Variants in ANK3 observed in about 807,000 individuals in gnomAD.
ANK3 encodes the protein ankyrin-3.
Under a neutral mutation model 370.9 loss-of-function variants are expected in ANK3, and 57 were observed. That is an observed-to-expected ratio of 0.15 (90% confidence interval 0.12 to 0.19). The LOEUF is 0.19. Ranked by LOEUF, ANK3 falls within the 10% of genes least tolerant of loss-of-function variation. The probability of loss-of-function intolerance (pLI) is 1.00; values close to 1 mark genes in which losing one functional copy is unlikely to be tolerated. For missense variants in ANK3, 4,439 were observed against 5,302.1 expected, an observed-to-expected ratio of 0.84 and a Z score of 5.06; for synonymous variants, 1,929 against 1,946.3, an observed-to-expected ratio of 0.99 and a Z score of 0.23.
At chr10:60,243,705 T>C (rs1258561862) in intron 7 of ANK3, among the ~76,000 whole-genome samples, 7 of 152,212 alleles carry the variant, frequency 4.6e-5, no homozygotes. Flanking sequence ...ATTATTTGTA[T>C]TACTTATTAT....
At chr10:60,714,070 T>C (rs1589066198) in intron 1 of ANK3, among the ~76,000 whole-genome samples, 1 of 152,072 alleles carries the variant, frequency 6.6e-6, no homozygotes, top group African/African-American at 2.4e-5. Context: ...CCATTATTGA[T>C]CTCATAAACA....
intron 23 of ANK3, among the ~76,000 whole-genome samples, chr10:60,157,884 A>AAAAGAGAGAG (rs1477921820): frequency 3.4e-5 from 3 of 88,218 alleles, no homozygotes; most frequent in African/African-American, 1.2e-4. Context: ...GAGAGAGAGA[A>AAAAGAGAGAG]AAAGAGAGAG....
At chr10:60,500,108 C>T (rs977023022) in intron 2 of ANK3, among the ~76,000 whole-genome samples, 2 of 152,158 alleles carry the variant, frequency 1.3e-5, no homozygotes, top group African/African-American at 2.4e-5. Context: ...GCAGAAAATG[C>T]TACCACCTTG....
rs142360935 is a variant in ANK3, at chr10:60,397,314, G to A, written c.97-117675C>T. 5.2e-3 allele frequency among the ~76,000 whole-genome samples: 792 copies of A among 151,982 alleles called. 6 individuals carry two copies. The highest frequency in any genetic ancestry group is 0.014 in the Middle Eastern group (4 of 294). On this transcript the variant is annotated intron_variant, in intron 2 of 43. Coordinates refer to the ANK3 transcript ENST00000373827. ...GCATATTGTGGAACATATCCACCAT[G>A]CAGAAATTTAAGTCTAACAAAAAGA...
Position 60,064,252 on chromosome 10 carries a change from A to G in ANK3, c.12356T>C (p.Ile4119Thr), listed in dbSNP as rs768220615. Residue 4119 changes from isoleucine (I) to threonine (T), a missense_variant, in exon 39 of 44, where the codon ATC (isoleucine) becomes ACC (threonine). Physicochemically the swap from Ile to Thr is moderately conservative, Grantham distance 89. Coordinates refer to ENST00000280772, the MANE Select transcript of ANK3 (RefSeq NM_020987.5). ...TGGATTTTCCACACGTATTTGATTG[A>G]TTTCATCCACTGAAAAATTCAGTTC... is the stretch of plus-strand genomic sequence containing the variant. ...ARELNFSVDE[I>T]NQIRVENPNS... is the part of the protein sequence containing the mutation. 6.3e-7 allele frequency: 1 copy of G among 1,580,116 alleles called. No homozygotes were observed. The highest frequency in any genetic ancestry group is 1.2e-5 in the South Asian group (1 of 83,676).
chr10:60,447,526 A>G (rs1210295815), intron 2 of ANK3, among the ~76,000 whole-genome samples: 1 of 152,274 alleles, frequency 6.6e-6, no homozygotes, highest in East Asian at 1.9e-4. Flanking sequence ...CATTGACATT[A>G]ACTGAAATAA....
At chr10:60,517,756 A>AAGAG (rs57698250) in intron 2 of ANK3, among the ~76,000 whole-genome samples, 3 of 149,600 alleles carry the variant, frequency 2.0e-5, no homozygotes, top group Admixed American at 1.3e-4. Context: ...AAAAGAGAGA[A>AAGAG]AGAGAGAGAG....
At chr10:60,424,572 T>C (rs1310992781) in intron 2 of ANK3, among the ~76,000 whole-genome samples, 1 of 152,070 alleles carries the variant, frequency 6.6e-6, no homozygotes, top group Admixed American at 6.6e-5. Flanking sequence ...AAAAAAGTTA[T>C]TTCTGCCCTT....
chr10:60,644,626 T>G (rs1020977413), intron 1 of ANK3, among the ~76,000 whole-genome samples: 5 of 152,118 alleles, frequency 3.3e-5, no homozygotes, highest in Non-Finnish European at 7.4e-5. Flanking sequence ...ATGGGATTGA[T>G]TACACTATTC....
chr10:60,528,108 G>GT (rs1319913324), intron 2 of ANK3, among the ~76,000 whole-genome samples: 1 of 144,354 alleles, frequency 6.9e-6, no homozygotes, highest in Non-Finnish European at 1.5e-5. Context: ...AAAAGTCAAT[G>GT]TTTTTTCTTT....
At chr10:60,205,400 GA>G (rs1214801684) in intron 11 of ANK3, among the ~76,000 whole-genome samples, 1 of 152,140 alleles carries the variant, frequency 6.6e-6, no homozygotes, top group Non-Finnish European at 1.5e-5. Flanking sequence ...TGACCCACTA[GA>G]GACCAGTAGT....
chr10:60,346,395 C>T (rs2055493032), intron 1 of ANK3, among the ~76,000 whole-genome samples: 1 of 151,978 alleles, frequency 6.6e-6, no homozygotes, highest in African/African-American at 2.4e-5. Flanking sequence ...ATTAAGGAAA[C>T]CCTTCAATCA....
chr10:60,446,661 T>G (rs2064455335), intron 2 of ANK3, among the ~76,000 whole-genome samples: 1 of 152,222 alleles, frequency 6.6e-6, no homozygotes, highest in Non-Finnish European at 1.5e-5. Context: ...CTCTGAAGCT[T>G]GATACCATTT....
At chr10:60,676,074 C>A (rs533370602) in intron 1 of ANK3, among the ~76,000 whole-genome samples, 1 of 152,052 alleles carries the variant, frequency 6.6e-6, no homozygotes, top group Admixed American at 6.5e-5. Flanking sequence ...GGAAATTATA[C>A]AAATTATGAC....
intron 2 of ANK3, among the ~76,000 whole-genome samples, chr10:60,426,663 A>G (rs1406614954): frequency 2.0e-5 from 3 of 152,136 alleles, no homozygotes; most frequent in Non-Finnish European, 4.4e-5. Context: ...TATAAAAAAG[A>G]AACTCTATCA....
intron 1 of ANK3, among the ~76,000 whole-genome samples, chr10:60,701,125 G>T (rs1382105240): frequency 6.6e-6 from 1 of 151,824 alleles, no homozygotes; most frequent in African/African-American, 2.4e-5. Flanking sequence ...GAGAAAAATT[G>T]CTCTTACTTA....
intron 2 of ANK3, among the ~76,000 whole-genome samples, chr10:60,551,126 C>T (rs185258260): frequency 1.3e-5 from 2 of 151,974 alleles, no homozygotes; most frequent in Admixed American, 6.6e-5. Flanking sequence ...TGTTTTCTTG[C>T]TTTTTCAATA....
chr10:60,165,799 A>G (rs1323265797), intron 23 of ANK3, among the ~76,000 whole-genome samples: 1 of 152,226 alleles, frequency 6.6e-6, no homozygotes, highest in African/African-American at 2.4e-5. Flanking sequence ...ATGATCTCCC[A>G]TCATTTGGGA....
intron 23 of ANK3, among the ~76,000 whole-genome samples, chr10:60,150,168 C>T (rs1279816650): frequency 2.6e-5 from 4 of 152,166 alleles, no homozygotes; most frequent in Non-Finnish European, 2.9e-5. Flanking sequence ...CCAGAGTTTT[C>T]CAGAACCGCT....
Sources: gnomAD v4.1 joint callset for allele counts (sites outside exome capture counted in the v4.1 genomes callset) on GRCh38, gnomAD v4.1.1 for gene constraint, MANE v1.5 for transcripts, NCBI Gene and HGNC (gene_info 2026-07-23, HGNC 2026-07-21) for gene names.